RPA3: variants seen among roughly 807,000 people sequenced by gnomAD.
The protein encoded by RPA3 is replication protein A3.
A neutral mutation model predicts 13.7 loss-of-function variants in RPA3; 24 were observed. The observed-to-expected ratio is 1.75, with a 90% confidence interval of 1.27 to 2.46. RPA3 has a LOEUF of 2.46. Ranked by LOEUF, RPA3 falls within the 30% of genes most tolerant of loss-of-function variation. The pLI is 0.00. For synonymous variants in RPA3, 59 were observed against 51.2 expected, an observed-to-expected ratio of 1.15 and a Z score of -0.65; for missense variants, 183 against 151.0, an observed-to-expected ratio of 1.21 and a Z score of -1.11.
intron 4 of RPA3, among the ~76,000 whole-genome samples, chr7:7,659,154 C>T (rs1171928491): frequency 6.6e-6 from 1 of 152,002 alleles, no homozygotes; most frequent in African/African-American, 2.4e-5. Context: ...GGTGATATCC[C>T]CTTTATCATT....
At chr7:7,639,797 A>G (rs1436812517) in intron 5 of RPA3, 1 of 160,738 alleles carries the variant, frequency 6.2e-6, no homozygotes, top group African/African-American at 2.4e-5. Context: ...TGATTCCAAG[A>G]CTTTGGGCCT....
chr7:7,712,616 A>G (rs1780793979), intron 2 of RPA3, among the ~76,000 whole-genome samples: 1 of 152,180 alleles, frequency 6.6e-6, no homozygotes, highest in African/African-American at 2.4e-5. Flanking sequence ...CGTAATTATA[A>G]CCTCTGTGAA....
intron 4 of RPA3, among the ~76,000 whole-genome samples, chr7:7,651,360 A>T (rs1306984875): frequency 3.3e-5 from 5 of 152,142 alleles, no homozygotes; most frequent in Non-Finnish European, 7.3e-5. Context: ...ATAAGGGTAC[A>T]GGATGGAGGG....
intron 4 of RPA3, among the ~76,000 whole-genome samples, chr7:7,645,596 T>C (rs1263641598): frequency 6.6e-6 from 1 of 152,222 alleles, no homozygotes; most frequent in African/African-American, 2.4e-5. Flanking sequence ...AATTTCTGTT[T>C]ATTAGATTAA....
intron 2 of RPA3, among the ~76,000 whole-genome samples, chr7:7,704,433 T>A (rs1012618564): frequency 6.6e-6 from 1 of 151,774 alleles, no homozygotes; most frequent in Non-Finnish European, 1.5e-5. Flanking sequence ...GTCTTGGAGA[T>A]CACAGAGTTT....
chr7:7,688,359 G>T (rs1780088159), intron 2 of RPA3, among the ~76,000 whole-genome samples: 1 of 152,104 alleles, frequency 6.6e-6, no homozygotes, highest in South Asian at 2.1e-4. Flanking sequence ...AAAGTAGAAT[G>T]TGAGAACCTT....
chr7:7,664,013 C>T (rs1436869823), intron 4 of RPA3, among the ~76,000 whole-genome samples: 1 of 152,162 alleles, frequency 6.6e-6, no homozygotes, highest in Non-Finnish European at 1.5e-5. Flanking sequence ...GTCTAAAACA[C>T]TTTGCCACCT....
At chr7:7,663,616 T>C (rs1785531887) in intron 4 of RPA3, among the ~76,000 whole-genome samples, 1 of 152,202 alleles carries the variant, frequency 6.6e-6, no homozygotes, top group African/African-American at 2.4e-5. Flanking sequence ...GAATCTAAAA[T>C]CTGTTAAATA....
chr7:7,669,259 T>C (rs1779546145), intron 4 of RPA3, among the ~76,000 whole-genome samples: 1 of 152,118 alleles, frequency 6.6e-6, no homozygotes, highest in Admixed American at 6.5e-5. Flanking sequence ...TATACGGTAT[T>C]TTGATATAGG....
chr7:7,696,281 G>T (rs1230347690), intron 2 of RPA3, among the ~76,000 whole-genome samples: 1 of 150,540 alleles, frequency 6.6e-6, no homozygotes, highest in East Asian at 1.9e-4. Flanking sequence ...GCCAAAGTTG[G>T]TAAGAATTAT....
chr7:7,703,068 C>T (rs1180694231), intron 2 of RPA3, among the ~76,000 whole-genome samples: 1 of 152,194 alleles, frequency 6.6e-6, no homozygotes, highest in Non-Finnish European at 1.5e-5. Flanking sequence ...ACTGAGTTTA[C>T]TGCCTGCTTT....
intron 4 of RPA3, among the ~76,000 whole-genome samples, chr7:7,682,252 G>C (rs2115123500): frequency 6.6e-6 from 1 of 152,168 alleles, no homozygotes; most frequent in South Asian, 2.1e-4. Flanking sequence ...ACAGCAGCTT[G>C]GATTTCACCT....
intron 4 of RPA3, among the ~76,000 whole-genome samples, chr7:7,656,016 G>C (rs1418061727): frequency 6.6e-6 from 1 of 151,982 alleles, no homozygotes; most frequent in African/African-American, 2.4e-5. Context: ...TGTATTTTTA[G>C]TAGAGACGGG....
At chr7:7,663,826 A>G (rs1243342900) in intron 4 of RPA3, among the ~76,000 whole-genome samples, 1 of 152,202 alleles carries the variant, frequency 6.6e-6, no homozygotes, top group Non-Finnish European at 1.5e-5. Context: ...ATGCATGACT[A>G]TCAGTTTTAT....
chr7:7,686,938 T>C (rs536449660), intron 3 of RPA3, among the ~76,000 whole-genome samples: 78 of 152,328 alleles, frequency 5.1e-4, no homozygotes, highest in African/African-American at 1.9e-3. Flanking sequence ...GATGATTATG[T>C]AGAATTCTAG....
At chr7:7,653,458 C>T (rs1278598736) in intron 4 of RPA3, among the ~76,000 whole-genome samples, 2 of 152,156 alleles carry the variant, frequency 1.3e-5, no homozygotes, top group African/African-American at 4.8e-5. Context: ...TGCTAGTTAG[C>T]ATCCTTCTTT....
At chr7:7,692,594 A>C (rs905246886) in intron 2 of RPA3, 3 of 152,138 alleles carry the variant, frequency 2.0e-5, no homozygotes, top group Non-Finnish European at 4.4e-5. Context: ...TCATCAAAAC[A>C]CAAGCAAATG....
At chr7:7,680,769 T>TA (rs1297162941) in intron 4 of RPA3, among the ~76,000 whole-genome samples, 2 of 152,152 alleles carry the variant, frequency 1.3e-5, no homozygotes, top group Non-Finnish European at 2.9e-5. Flanking sequence ...ACTTTGGTTA[T>TA]ATTTATTCCT....
At chr7:7,701,239 G>A (rs991935953) in intron 2 of RPA3, among the ~76,000 whole-genome samples, 2 of 152,116 alleles carry the variant, frequency 1.3e-5, no homozygotes, top group African/African-American at 4.8e-5. Flanking sequence ...CTCTCTAACT[G>A]TGGGGCTTAG....
Sources: allele counts gnomAD v4.1 joint callset (sites outside exome capture counted in the v4.1 genomes callset), GRCh38; gene constraint gnomAD v4.1.1; transcripts MANE v1.5; gene names NCBI Gene and HGNC (gene_info 2026-07-23, HGNC 2026-07-21).